The following ZBTB16 variants were observed in gnomAD, a reference collection of about 807,000 sequenced individuals.
ZBTB16 encodes zinc finger and BTB domain containing 16.
In ZBTB16, 8 loss-of-function variants were observed where a neutral mutation model predicts 56.8. That is an observed-to-expected ratio of 0.14 (90% CI 0.08 to 0.25). ZBTB16 has a LOEUF of 0.25. Ranked by LOEUF, ZBTB16 falls within the 10% of genes least tolerant of loss-of-function variation. ZBTB16 has a pLI of 1.00. For synonymous variants in ZBTB16, 363 were observed against 368.5 expected (o/e 0.98, Z 0.17); for missense variants, 625 against 903.0 (o/e 0.69, Z 3.95).
In ZBTB16 at chr11:114,064,108, G is replaced by A. The variant is rs1171843874; in HGVS notation, c.808G>A (p.Asp270Asn). 16 of 1,613,822 alleles carry A rather than the reference G, an allele frequency of 9.9e-6. No homozygotes were observed. The highest frequency in any genetic ancestry group is 1.4e-5 in the Non-Finnish European group (16 of 1,180,026). Residue 270 changes from aspartate (D) to asparagine (N), a missense_variant, in exon 2 of 7, where the codon GAC becomes AAC. Asp to Asn is a conservative substitution (Grantham distance 23). This residue lies in a region of ZBTB16 where 384 missense variants were observed against 393.5 expected (regional missense o/e 0.98). Coordinates refer to ENST00000335953, the MANE Select transcript of ZBTB16 (RefSeq NM_006006.6). This position sits in a 1 kb window ranked among gnomAD's most constrained non-coding sequence, Gnocchi z 4.2. ...GTCCAGCATCTCAGGAGGGATGGGG[G>A]ACAAGGTTGAGGAAAGAGGCAAAGA... ...AESSISGGMG[D>N]KVEERGKEGP... is the part of the protein sequence containing the mutation.
intron 2 of ZBTB16, among the ~76,000 whole-genome samples, chr11:114,124,547 A>AAAC (rs1565638028): frequency 3.3e-4 from 44 of 135,172 alleles, no homozygotes; most frequent in African/African-American, 1.2e-3. Context: ...AACAAAACAA[A>AAAC]AAAAAAAACC....
rs1363682637 is a variant in ZBTB16, at chr11:114,060,080, G to T, written c.-91+198G>T. On this transcript the variant is annotated intron_variant, in intron 1 of 6. Coordinates refer to ENST00000335953, the MANE Select transcript of ZBTB16 (RefSeq NM_006006.6). The surrounding 1 kb of genome is among the most constrained non-coding windows in gnomAD (Gnocchi z 6.0). ...GGTTGGGGGTCGGCTAGAAGGGGGAGCCCCGGCTGTCAGCCTGGGCGCAGC... is the reference window on the plus strand; with the variant it reads ...GGTTGGGGGTCGGCTAGAAGGGGGATCCCCGGCTGTCAGCCTGGGCGCAGC... Among the ~76,000 whole-genome samples, 1 of 152,172 alleles carries T rather than the reference G, an allele frequency of 6.6e-6. No individual in the cohort carries two copies. Among genetic ancestry groups the T allele is most frequent in the Non-Finnish European group, 1.5e-5 (1 of 68,032 alleles).
chr11:114,090,129 C>G (rs1215266650), intron 2 of ZBTB16, among the ~76,000 whole-genome samples: 1 of 152,136 alleles, frequency 6.6e-6, no homozygotes, highest in Non-Finnish European at 1.5e-5. Flanking sequence ...GATAAGTGAC[C>G]GAGGCCTGCA....
rs538118921 is a variant in ZBTB16, at chr11:114,157,531, G to GC, written c.1366+1101dup. 1.6e-4 allele frequency among the ~76,000 whole-genome samples: 25 copies of GC among 152,264 alleles called. No homozygotes were observed. The East Asian group carries it at 4.5e-3, about 27-fold the overall frequency. On this transcript the variant is annotated intron_variant, in intron 3 of 6. Transcript: ENST00000335953. Reference sequence around the variant, plus strand: ...CCTCATCCTTGTTTCTGAGCCTGTTGCCCCGGGGGGCGTGTCCCCATCCGC... The same window carrying GC: ...CCTCATCCTTGTTTCTGAGCCTGTTGCCCCCGGGGGGCGTGTCCCCATCCGC...
chr11:114,130,083 CTTTG>C (rs1228685745), intron 2 of ZBTB16, among the ~76,000 whole-genome samples: 1 of 152,174 alleles, frequency 6.6e-6, no homozygotes, highest in African/African-American at 2.4e-5. Context: ...GAGGAGCAGG[CTTTG>C]TTTTTCTTTC....
At chr11:114,123,901 G>A (rs968658816) in intron 2 of ZBTB16, among the ~76,000 whole-genome samples, 1 of 152,138 alleles carries the variant, frequency 6.6e-6, no homozygotes, top group Non-Finnish European at 1.5e-5. Context: ...CTTTTGTGGT[G>A]TCACCTCCAG....
chr11:114,088,827 A>G (rs926021862), intron 2 of ZBTB16, among the ~76,000 whole-genome samples: 5 of 152,114 alleles, frequency 3.3e-5, no homozygotes, highest in Admixed American at 2.6e-4. Flanking sequence ...ATTGGGGGAA[A>G]CCTTGTCCTA....
chr11:114,195,901 A>C lies in ZBTB16; in HGVS notation c.1453+8863A>C, dbSNP rs1410929482. Among the ~76,000 whole-genome samples, 2 of 152,162 alleles carry C rather than the reference A, an allele frequency of 1.3e-5. 1 individual carries two copies. The highest frequency in any genetic ancestry group is 1.3e-4 in the Admixed American group (2 of 15,288). ...ACACCTGCTTTGCAAGGCCATGGTG[A>C]GGTCTTCCAGGATCCCTGACTATGT... On this transcript the variant is annotated intron_variant, in intron 4 of 6. Transcript: ENST00000335953.
rs201577747 is a variant in ZBTB16, at chr11:114,159,942, G to GGGTC, written c.1366+3510_1366+3511insTCGG. Among the ~76,000 whole-genome samples the GGGTC allele has an allele frequency of 3.3e-3, 483 of 148,100 alleles. 20 individuals are homozygous for GGGTC. The highest frequency in any genetic ancestry group is 5.9e-3 in the Non-Finnish European group (397 of 67,132). On this transcript the variant is annotated intron_variant, in intron 3 of 6. Transcript: ENST00000335953. ...AGAACCCTGGGCGGGGGAGGCGGGG[G>GGGTC]GGAGGCGAGCATTTTTTTTCAAAAG...
intron 2 of ZBTB16, among the ~76,000 whole-genome samples, chr11:114,129,861 C>A (rs542421122): frequency 2.6e-5 from 4 of 152,362 alleles, no homozygotes; most frequent in Admixed American, 6.5e-5. Context: ...GCTTCTCCCC[C>A]CTCCTTCTCT....
chr11:114,065,267 C>T (rs114360156), intron 2 of ZBTB16, among the ~76,000 whole-genome samples: 1,955 of 152,276 alleles, frequency 0.013, 36 homozygotes, highest in African/African-American at 0.045. Context: ...AACTAAATGC[C>T]GCTTCAGGCT....
intron 4 of ZBTB16, among the ~76,000 whole-genome samples, chr11:114,222,795 C>T (rs904088914): frequency 5.3e-5 from 8 of 152,076 alleles, no homozygotes; most frequent in African/African-American, 9.7e-5. Context: ...CCATATGCTG[C>T]GAAAATTGAT....
chr11:114,189,964 GTA>G (rs1943453129), intron 4 of ZBTB16, among the ~76,000 whole-genome samples: 1 of 152,088 alleles, frequency 6.6e-6, no homozygotes, highest in African/African-American at 2.4e-5. Context: ...ACAAAGTGTG[GTA>G]TATTCATACC....
chr11:114,113,483 A>T (rs1399957548), intron 2 of ZBTB16, among the ~76,000 whole-genome samples: 1 of 152,214 alleles, frequency 6.6e-6, no homozygotes, highest in Non-Finnish European at 1.5e-5. Context: ...CTCAATCTAA[A>T]AACCCTGTAA....
chr11:114,179,670 CTTA>C (rs762049166), intron 3 of ZBTB16, among the ~76,000 whole-genome samples: 12 of 151,974 alleles, frequency 7.9e-5, no homozygotes, highest in Non-Finnish European at 1.6e-4. Flanking sequence ...TTTCTCCCTT[CTTA>C]TTATTAGCAT....
At chr11:114,078,630 G>A (rs775286993) in intron 2 of ZBTB16, among the ~76,000 whole-genome samples, 1 of 152,120 alleles carries the variant, frequency 6.6e-6, no homozygotes, top group Non-Finnish European at 1.5e-5. Flanking sequence ...AGACTCACTG[G>A]GAAGTTGAAA....
At chr11:114,190,355 C>T (rs952133426) in intron 4 of ZBTB16, among the ~76,000 whole-genome samples, 8 of 152,166 alleles carry the variant, frequency 5.3e-5, no homozygotes, top group African/African-American at 9.7e-5. Context: ...ATCCAACTAA[C>T]CTACTGAACA....
rs1217726162 is a variant in ZBTB16 at position 114,064,978 on chromosome 11, G to A, written c.1268+410G>A. ...CATGTTACTAGGTTTCAGGTCCTCG[G>A]GTTCCCATGCAGTGGTCCCTGTGAA... On this transcript the variant is annotated intron_variant, in intron 2 of 6. Coordinates refer to ENST00000335953, the MANE Select transcript of ZBTB16 (RefSeq NM_006006.6). This position sits in a 1 kb window ranked among gnomAD's most constrained non-coding sequence, Gnocchi z 4.2. 6.6e-6 allele frequency among the ~76,000 whole-genome samples: 1 copy of A among 152,142 alleles called. No homozygotes were observed. Among genetic ancestry groups the A allele is most frequent in the Non-Finnish European group, 1.5e-5 (1 of 68,026 alleles).
At chr11:114,185,135 G>A (rs1048843605) in intron 3 of ZBTB16, among the ~76,000 whole-genome samples, 1 of 152,170 alleles carries the variant, frequency 6.6e-6, no homozygotes, top group Non-Finnish European at 1.5e-5. Flanking sequence ...TTGAAACTAG[G>A]AGGTTGAGGC....
Sources: gnomAD v4.1 joint callset for allele counts (sites outside exome capture counted in the v4.1 genomes callset) on GRCh38, gnomAD v4.1.1 for gene constraint, gnomAD v4.1.1 regional missense constraint, Gnocchi (gnomAD v3.1) non-coding constraint, MANE v1.5 for transcripts, NCBI Gene and HGNC (gene_info 2026-07-23, HGNC 2026-07-21) for gene names.